Variants in CAMK1D observed in about 807,000 individuals in gnomAD.
CAMK1D encodes the protein calcium/calmodulin-dependent protein kinase type 1D.
A neutral mutation model predicts 47.7 loss-of-function variants in CAMK1D; 9 were observed. The observed-to-expected ratio is 0.19, with a 90% CI of 0.11 to 0.33. The LOEUF is 0.33. Ranked by LOEUF, CAMK1D falls within the 10% of genes least tolerant of loss-of-function variation. CAMK1D has a pLI of 1.00. For missense variants in CAMK1D, 291 were observed against 488.7 expected (o/e 0.60, Z 3.81); for synonymous variants, 184 against 184.9 (o/e 0.99, Z 0.04).
chr10:12,564,843 AC>A (rs1209964984), intron 2 of CAMK1D, among the ~76,000 whole-genome samples: 2 of 152,220 alleles, frequency 1.3e-5, no homozygotes, highest in African/African-American at 4.8e-5. Context: ...AGAACTGATG[AC>A]CTAAGTATAC....
At chr10:12,363,253 G>GTTTGT (rs1414110698) in intron 1 of CAMK1D, among the ~76,000 whole-genome samples, 2 of 148,814 alleles carry the variant, frequency 1.3e-5, no homozygotes, top group Admixed American at 6.7e-5. Flanking sequence ...TTTTTTTTTT[G>GTTTGT]TTTGTTTTGT....
chr10:12,540,009 G>C (rs574178410), intron 1 of CAMK1D, among the ~76,000 whole-genome samples: 26 of 152,284 alleles, frequency 1.7e-4, no homozygotes, highest in African/African-American at 6.3e-4. Flanking sequence ...GAACTCCTGG[G>C]CTCAGGCGAT....
At chr10:12,474,473 G>A (rs943571990) in intron 1 of CAMK1D, among the ~76,000 whole-genome samples, 9 of 151,968 alleles carry the variant, frequency 5.9e-5, no homozygotes, top group Middle Eastern at 3.2e-3. Context: ...GATTACAGGC[G>A]TGAACCACCG....
chr10:12,619,122 A>G (rs1838911702), intron 2 of CAMK1D, among the ~76,000 whole-genome samples: 1 of 152,212 alleles, frequency 6.6e-6, no homozygotes, highest in African/African-American at 2.4e-5. Flanking sequence ...TGAAATAATC[A>G]TGGTAAATGC....
chr10:12,483,361 T>G (rs1373697260), intron 1 of CAMK1D, among the ~76,000 whole-genome samples: 1 of 152,006 alleles, frequency 6.6e-6, no homozygotes, highest in Non-Finnish European at 1.5e-5. Flanking sequence ...CCACCACGCC[T>G]GGCTAACTTT....
At chr10:12,464,643 A>G (rs886826874) in intron 1 of CAMK1D, among the ~76,000 whole-genome samples, 3 of 152,072 alleles carry the variant, frequency 2.0e-5, no homozygotes, top group Non-Finnish European at 2.9e-5. Flanking sequence ...GTGAAACCCC[A>G]TCTGTACTAA....
chr10:12,798,049 G>C (rs1733329269), intron 6 of CAMK1D, among the ~76,000 whole-genome samples: 1 of 152,214 alleles, frequency 6.6e-6, no homozygotes, highest in African/African-American at 2.4e-5. Flanking sequence ...AACTTCTGTG[G>C]CTTTGCCTTC....
intron 1 of CAMK1D, among the ~76,000 whole-genome samples, chr10:12,466,475 C>G (rs1261889202): frequency 6.6e-6 from 1 of 151,908 alleles, no homozygotes; most frequent in Non-Finnish European, 1.5e-5. Flanking sequence ...GTCCTAGCTA[C>G]TTGAGAGGCT....
At chr10:12,759,465 CTTG>C in intron 3 of CAMK1D, among the ~76,000 whole-genome samples, 1 of 152,282 alleles carries the variant, frequency 6.6e-6, no homozygotes, top group South Asian at 2.1e-4. Context: ...GATGTTGAAA[CTTG>C]TTGGGGGAAG....
At chr10:12,376,288 G>A (rs1251667590) in intron 1 of CAMK1D, among the ~76,000 whole-genome samples, 1 of 151,980 alleles carries the variant, frequency 6.6e-6, no homozygotes, top group Non-Finnish European at 1.5e-5. Context: ...CCAACCCTGT[G>A]GCTTAAGTAC....
intron 3 of CAMK1D, among the ~76,000 whole-genome samples, chr10:12,674,285 T>C (rs569342254): frequency 6.6e-6 from 1 of 152,246 alleles, no homozygotes; most frequent in Non-Finnish European, 1.5e-5. Context: ...TTTTTGTTTT[T>C]ATTTTGTTTT....
intron 3 of CAMK1D, among the ~76,000 whole-genome samples, chr10:12,731,450 G>A (rs1391056510): frequency 1.3e-5 from 2 of 152,216 alleles, no homozygotes; most frequent in African/African-American, 2.4e-5. Context: ...ATGAAAGTGA[G>A]CGGACTAGAG....
intron 1 of CAMK1D, among the ~76,000 whole-genome samples, chr10:12,380,913 C>T (rs900291650): frequency 9.9e-5 from 15 of 152,146 alleles, no homozygotes; most frequent in Admixed American, 2.0e-4. Flanking sequence ...TGAAGGCTCA[C>T]ACATTTAGTA....
intron 1 of CAMK1D, among the ~76,000 whole-genome samples, chr10:12,503,533 G>T (rs760266143): frequency 2.0e-5 from 3 of 152,192 alleles, no homozygotes. Flanking sequence ...GAGTGGGCAA[G>T]AGCGGGCTCC....
At chr10:12,642,723 C>T (rs1219218141) in intron 2 of CAMK1D, among the ~76,000 whole-genome samples, 1 of 152,042 alleles carries the variant, frequency 6.6e-6, no homozygotes, top group African/African-American at 2.4e-5. Flanking sequence ...TTTTACCACT[C>T]ACCCTCTTTT....
At chr10:12,623,822 T>C (rs1839122694) in intron 2 of CAMK1D, among the ~76,000 whole-genome samples, 1 of 152,176 alleles carries the variant, frequency 6.6e-6, no homozygotes, top group African/African-American at 2.4e-5. Context: ...CTCACACCTG[T>C]AATCCCAGCA....
chr10:12,828,720 G>A (rs755575128), intron 10 of CAMK1D, 49 bp from the exon 11 acceptor site: 35 of 1,523,036 alleles, frequency 2.3e-5, no homozygotes, highest in Non-Finnish European at 1.1e-5. Context: ...GAAGCAGGGT[G>A]AGAATTTACC....
intron 3 of CAMK1D, among the ~76,000 whole-genome samples, chr10:12,687,745 T>C (rs1373358792): frequency 6.6e-6 from 1 of 151,992 alleles, no homozygotes; most frequent in African/African-American, 2.4e-5. Context: ...CGGAGACAAA[T>C]CAAAAAGAGG....
chr10:12,392,415 A>G (rs1027158956), intron 1 of CAMK1D, among the ~76,000 whole-genome samples: 1 of 152,018 alleles, frequency 6.6e-6, no homozygotes, highest in African/African-American at 2.4e-5. Context: ...TTGTTCCTGA[A>G]TTTATCTACT....
Sources: gnomAD v4.1 joint callset for allele counts (sites outside exome capture counted in the v4.1 genomes callset) on GRCh38, gnomAD v4.1.1 for gene constraint, MANE v1.5 for transcripts, NCBI Gene and HGNC (gene_info 2026-07-23, HGNC 2026-07-21) for gene names.